The following CFAP54 variants were observed in gnomAD, a reference collection of about 807,000 sequenced individuals.
CFAP54 encodes cilia- and flagella-associated protein 54.
A neutral mutation model predicts 370.4 loss-of-function variants in CFAP54; 290 were observed. The ratio of observed to expected loss-of-function variants is 0.78; its 90% CI spans 0.71 to 0.86. The LOEUF (loss-of-function observed/expected upper bound fraction) is 0.86. Ranked by LOEUF, CFAP54 falls within the 40% of genes least tolerant of loss-of-function variation. The pLI, the probability that CFAP54 is intolerant of heterozygous loss-of-function variation, is 0.00. For synonymous variants in CFAP54, 1,206 were observed against 1,236.5 expected (o/e 0.98, Z 0.52); for missense variants, 3,399 against 3,528.7 (o/e 0.96, Z 0.93).
In CFAP54 at chr12:96,503,464, G is replaced by T. The variant is rs909733920; in HGVS notation, c.424-422G>T. On this transcript the variant is annotated intron_variant, in intron 2 of 67. Transcript: ENST00000524981. ...TCCTTCCTTCCTTTGTTTCTCTCTCGCTCGCTCGCTCTTCGTTTCTTTTCT... is the reference window on the plus strand; with the variant it reads ...TCCTTCCTTCCTTTGTTTCTCTCTCTCTCGCTCGCTCTTCGTTTCTTTTCT... Among the ~76,000 whole-genome samples the T allele has an allele frequency of 7.5e-5, 9 of 119,972 alleles. No individual in the cohort carries two copies. In the Admixed American group the frequency reaches 8.1e-4, roughly 11 times the overall value. The allele number at this position is 119,972 out of a possible 152,430, so 78.7% of individuals were successfully genotyped here. A position where few individuals can be genotyped will look rare whatever the true frequency, so the allele number is the denominator to read the frequency against.
At chr12:96,779,220 C>T (rs1211299296) in intron 60 of CFAP54, among the ~76,000 whole-genome samples, 2 of 152,124 alleles carry the variant, frequency 1.3e-5, no homozygotes, top group Non-Finnish European at 2.9e-5. Flanking sequence ...GACCAGCGCC[C>T]CAGAAGTCTA....
intron 58 of CFAP54, among the ~76,000 whole-genome samples, chr12:96,762,589 C>G (rs1176019198): frequency 6.6e-6 from 1 of 152,128 alleles, no homozygotes; most frequent in African/African-American, 2.4e-5. Flanking sequence ...CTTCTTTTTT[C>G]TTTGAATGGC....
intron 50 of CFAP54, among the ~76,000 whole-genome samples, chr12:96,738,707 T>G (rs140850793): frequency 0.01 from 1,565 of 149,654 alleles, 25 homozygotes; most frequent in African/African-American, 0.035. Context: ...GCCTCCTGGA[T>G]TCAAGCGATT....
At chr12:96,618,469 T>A (rs1464381429) in intron 26 of CFAP54, among the ~76,000 whole-genome samples, 1 of 152,076 alleles carries the variant, frequency 6.6e-6, no homozygotes, top group Non-Finnish European at 1.5e-5. Context: ...GGAAGGGTGG[T>A]TGTAGTTACA....
intron 1 of CFAP54, among the ~76,000 whole-genome samples, chr12:96,491,281 G>C (rs1409011904): frequency 6.6e-6 from 1 of 152,170 alleles, no homozygotes; most frequent in South Asian, 2.1e-4. Flanking sequence ...AATGGCAGAT[G>C]GGAAAGACCT....
At position 96,647,916 on chromosome 12, in the gene CFAP54, C is replaced by T. The variant is rs1470558757; in HGVS notation, c.4589C>T (p.Ser1530Leu). The part of the protein sequence containing the change: ...CDPNMFSLYN[S>L]GTVLPTRKLT... ...CCTAACATGTTTTCACTGTATAATT[C>T]AGGAACAGTATTACCAACAAGAAAA... is the stretch of plus-strand genomic sequence containing the variant. The change falls in exon 34 of 68, where the codon TCA (serine) becomes TTA (leucine). Residue 1530 changes from serine (S) to leucine (L), a missense_variant. Physicochemically the swap from Ser to Leu is moderately radical, Grantham distance 145. Around this residue, in one of 3 missense-constraint regions of CFAP54, gnomAD observed 2,796 missense variants for 2,869.7 expected, o/e 0.97. Transcript: ENST00000524981. 4 of 1,514,482 alleles carry T rather than the reference C, an allele frequency of 2.6e-6. No homozygotes were observed. Among genetic ancestry groups the T allele is most frequent in the Non-Finnish European group, 3.5e-6 (4 of 1,139,426 alleles). The allele number at this position is 1,514,482 out of a possible 1,614,324, so 93.8% of individuals were successfully genotyped here.
At chr12:96,859,557 C>A (rs906887418) in intron 66 of CFAP54, among the ~76,000 whole-genome samples, 2 of 152,114 alleles carry the variant, frequency 1.3e-5, no homozygotes, top group African/African-American at 4.8e-5. Context: ...GGGCACCCAC[C>A]ACCATGCCTG....
intron 58 of CFAP54, among the ~76,000 whole-genome samples, chr12:96,758,382 GCAGA>G (rs1188407519): frequency 1.3e-5 from 2 of 152,284 alleles, no homozygotes; most frequent in East Asian, 1.9e-4. Context: ...TTACATGGCA[GCAGA>G]CAAAGAATGA....
At chr12:96,709,355 A>G (rs1224143107) in intron 48 of CFAP54, among the ~76,000 whole-genome samples, 1 of 152,206 alleles carries the variant, frequency 6.6e-6, no homozygotes, top group Non-Finnish European at 1.5e-5. Context: ...ATATCTTTCT[A>G]TGGGGTATAT....
At position 96,639,320 on chromosome 12, in the gene CFAP54, A is replaced by G. The variant is rs531162875; in HGVS notation, c.4317-4858A>G. Among the ~76,000 whole-genome samples the G allele has an allele frequency of 1.5e-3, 233 of 152,380 alleles. 1 individual carries two copies. Among genetic ancestry groups the G allele is most frequent in the African/African-American group, 5.4e-3 (226 of 41,584 alleles). Reference sequence around the variant, plus strand: ...AAACACCTCTATGCAAATGAACTAGAAAATCTAGAATAAATGGATAAATTC... The same window carrying G: ...AAACACCTCTATGCAAATGAACTAGGAAATCTAGAATAAATGGATAAATTC... On this transcript the variant is annotated intron_variant, in intron 32 of 67. Transcript: ENST00000524981.
At chr12:96,635,599 C>A (rs188866402) in intron 32 of CFAP54, among the ~76,000 whole-genome samples, 3 of 152,232 alleles carry the variant, frequency 2.0e-5, no homozygotes, top group African/African-American at 7.2e-5. Context: ...CAGTTAGCAG[C>A]ACATCCCACA....
In CFAP54 at chr12:96,873,035, T is replaced by A. The variant is rs564213235; in HGVS notation, c.*15-2083T>A. Among the ~76,000 whole-genome samples, 110 of 152,296 alleles carry A rather than the reference T, an allele frequency of 7.2e-4. 1 individual carries two copies. Among genetic ancestry groups the A allele is most frequent in the East Asian group, 3.5e-3 (18 of 5,186 alleles). On this transcript the variant is annotated intron_variant, in intron 67 of 67. Transcript: ENST00000524981. ...TGGATTAAGTGACCCATTACAGTGA[T>A]CCCTCAAACATTAAGTAAAATTACT... is the stretch of plus-strand genomic sequence containing the variant.
At chr12:96,549,378 G>T (rs1230721199) in intron 15 of CFAP54, among the ~76,000 whole-genome samples, 1 of 152,144 alleles carries the variant, frequency 6.6e-6, no homozygotes, top group African/African-American at 2.4e-5. Context: ...GACCATTTAT[G>T]AACTGTTATT....
intron 32 of CFAP54, among the ~76,000 whole-genome samples, chr12:96,637,891 C>A (rs890211634): frequency 6.6e-6 from 1 of 152,132 alleles, no homozygotes; most frequent in Non-Finnish European, 1.5e-5. Flanking sequence ...TGTACAAATA[C>A]CATCTTGTCA....
At chr12:96,672,465 A>G (rs1472332019) in intron 39 of CFAP54, among the ~76,000 whole-genome samples, 1 of 152,222 alleles carries the variant, frequency 6.6e-6, no homozygotes, top group Non-Finnish European at 1.5e-5. Flanking sequence ...AAGGAATGAA[A>G]GAGTGGGCTG....
At chr12:96,825,400 T>G (rs1210162830) in intron 65 of CFAP54, among the ~76,000 whole-genome samples, 1 of 120,048 alleles carries the variant, frequency 8.3e-6, no homozygotes, top group African/African-American at 3.3e-5. Flanking sequence ...TGTAACATGT[T>G]GTATTATATA....
chr12:96,654,362 G>A (rs1370552642), intron 36 of CFAP54, among the ~76,000 whole-genome samples: 1 of 151,558 alleles, frequency 6.6e-6, no homozygotes, highest in Non-Finnish European at 1.5e-5. Flanking sequence ...TTAGCCGGGC[G>A]TAGTGGCGGG....
Position 96,561,239 on chromosome 12 carries a change from G to T in CFAP54, c.2411-3229G>T, listed in dbSNP as rs776523924. ...AATGGGGGCAAGTCTTTCCCATGCCGTTCTCATGATAGTGAGTAAGTCTCA... is the reference window on the plus strand; with the variant it reads ...AATGGGGGCAAGTCTTTCCCATGCCTTTCTCATGATAGTGAGTAAGTCTCA... On this transcript the variant is annotated intron_variant, in intron 17 of 67. Transcript: ENST00000524981. Among the ~76,000 whole-genome samples, 18 of 152,182 alleles carry T rather than the reference G, an allele frequency of 1.2e-4. No individual in the cohort carries two copies. The East Asian group carries it at 2.9e-3, about 25-fold the overall frequency.
intron 64 of CFAP54, among the ~76,000 whole-genome samples, chr12:96,814,375 T>TA (rs1958955730): frequency 6.6e-6 from 1 of 152,180 alleles, no homozygotes; most frequent in Non-Finnish European, 1.5e-5. Context: ...ATTCCAGTCT[T>TA]ACAGTAGAAG....
Sources: allele counts gnomAD v4.1 joint callset (sites outside exome capture counted in the v4.1 genomes callset), GRCh38; gene constraint gnomAD v4.1.1; regional missense constraint gnomAD v4.1.1; transcripts MANE v1.5; gene names NCBI Gene and HGNC (gene_info 2026-07-23, HGNC 2026-07-21).